The following CSMD1 variants were observed in gnomAD, a reference collection of about 807,000 sequenced individuals.
The protein encoded by CSMD1 is CUB and sushi domain-containing protein 1.
Under a neutral mutation model 417.5 loss-of-function variants are expected in CSMD1, and 213 were observed. The observed-to-expected ratio is 0.51, with a 90% CI of 0.46 to 0.57. The LOEUF is 0.57. Among genes scored for constraint, CSMD1 ranks in the 20% least tolerant of loss-of-function variants. The pLI is 0.00. For missense variants in CSMD1, 6,923 were observed against 4,529.7 expected (o/e 1.53, Z -15.17); for synonymous variants, 2,862 against 1,736.8 (o/e 1.65, Z -16.11).
At chr8:4,953,286 G>C (rs1480859937) in intron 1 of CSMD1, among the ~76,000 whole-genome samples, 2 of 151,992 alleles carry the variant, frequency 1.3e-5, no homozygotes, top group Admixed American at 6.6e-5. Context: ...AACTAAATCA[G>C]TCTTTTAGAA....
chr8:4,855,782 G>A (rs536602822), intron 1 of CSMD1, among the ~76,000 whole-genome samples: 21 of 151,772 alleles, frequency 1.4e-4, no homozygotes, highest in East Asian at 3.9e-4. Flanking sequence ...CCAAATCTAC[G>A]TCTGATTGGT....
At chr8:3,455,237 C>G (rs10097167) in intron 12 of CSMD1, among the ~76,000 whole-genome samples, 28,152 of 151,990 alleles carry the variant, frequency 0.19, 2,765 homozygotes, top group African/African-American at 0.24. Context: ...AGGTTTTTAA[C>G]TTCTTTGCCA....
chr8:4,817,392 A>C (rs1799269181), intron 1 of CSMD1, among the ~76,000 whole-genome samples: 1 of 152,236 alleles, frequency 6.6e-6, no homozygotes, highest in Admixed American at 6.5e-5. Context: ...CCTGCTTGGC[A>C]ACCTACGTCA....
intron 49 of CSMD1, among the ~76,000 whole-genome samples, chr8:3,082,917 T>C (rs1814211355): frequency 6.6e-6 from 1 of 152,194 alleles, no homozygotes; most frequent in South Asian, 2.1e-4. Context: ...TTATATCGAA[T>C]GTGAACATCT....
intron 7 of CSMD1, among the ~76,000 whole-genome samples, chr8:3,658,466 G>GTATATATA (rs60906631): frequency 4.9e-4 from 71 of 145,696 alleles, no homozygotes; most frequent in Admixed American, 1.4e-3. Context: ...TATATATTGT[G>GTATATATA]TATATATATA....
At chr8:3,381,527 G>C (rs1202722696) in intron 18 of CSMD1, among the ~76,000 whole-genome samples, 1 of 151,932 alleles carries the variant, frequency 6.6e-6, no homozygotes, top group Admixed American at 6.6e-5. Context: ...TATTTTAAGG[G>C]TTATCATTCT....
At chr8:4,590,608 T>A (rs867755626) in intron 2 of CSMD1, among the ~76,000 whole-genome samples, 2 of 152,136 alleles carry the variant, frequency 1.3e-5, no homozygotes, top group African/African-American at 4.8e-5. Flanking sequence ...AATAAAAATG[T>A]ATACTGTTAA....
At chr8:4,022,966 A>G (rs1358807268) in intron 4 of CSMD1, among the ~76,000 whole-genome samples, 1 of 152,242 alleles carries the variant, frequency 6.6e-6, no homozygotes, top group South Asian at 2.1e-4. Context: ...ATTTGAGGGC[A>G]AATAAATAGC....
chr8:4,593,899 G>C (rs1800121112), intron 2 of CSMD1, among the ~76,000 whole-genome samples: 1 of 152,116 alleles, frequency 6.6e-6, no homozygotes, highest in South Asian at 2.1e-4. Flanking sequence ...GGAATTTATT[G>C]TCTCACAGTT....
At chr8:3,720,466 C>T (rs533503517) in intron 6 of CSMD1, among the ~76,000 whole-genome samples, 1 of 152,156 alleles carries the variant, frequency 6.6e-6, no homozygotes, top group Non-Finnish European at 1.5e-5. Flanking sequence ...TGTGTCCTTT[C>T]AGATCTGTGA....
At chr8:2,976,220 G>GA (rs1309594244) in intron 55 of CSMD1, among the ~76,000 whole-genome samples, 103 of 146,846 alleles carry the variant, frequency 7.0e-4, no homozygotes, top group Non-Finnish European at 1.3e-3. Context: ...AACTCACTTG[G>GA]AGAAAAAAAA....
chr8:4,046,189 CGTGT>C (rs918931875), intron 3 of CSMD1, among the ~76,000 whole-genome samples: 1 of 151,600 alleles, frequency 6.6e-6, no homozygotes, highest in Admixed American at 6.6e-5. Context: ...TGTATGTGTG[CGTGT>C]GTGTGTAGAA....
chr8:4,550,691 C>T (rs1797834302), intron 2 of CSMD1, among the ~76,000 whole-genome samples: 1 of 152,158 alleles, frequency 6.6e-6, no homozygotes, highest in African/African-American at 2.4e-5. Context: ...ACTCTCCTAA[C>T]TCACCTTGTC....
chr8:3,998,597 T>G (rs893848574), intron 4 of CSMD1, among the ~76,000 whole-genome samples: 2 of 152,216 alleles, frequency 1.3e-5, no homozygotes, highest in Non-Finnish European at 2.9e-5. Context: ...GAATTTCAGA[T>G]AGCTATTGAG....
chr8:4,900,875 C>G (rs977585289), intron 1 of CSMD1, among the ~76,000 whole-genome samples: 2 of 152,202 alleles, frequency 1.3e-5, no homozygotes, highest in African/African-American at 4.8e-5. Flanking sequence ...TTCAGTCGAG[C>G]ACAGTCACCG....
chr8:4,314,079 G>T (rs1046170622), intron 3 of CSMD1, among the ~76,000 whole-genome samples: 1 of 151,814 alleles, frequency 6.6e-6, no homozygotes, highest in South Asian at 2.1e-4. Flanking sequence ...CTTTCTTTCT[G>T]TGTCCTGGAG....
chr8:3,124,688 CGAA>C lies in CSMD1; in HGVS notation c.6242-6104_6242-6102del, dbSNP rs1159462910. ...ACTCTCGCCACCTCCTAAGTGGAGA[CGAA>C]GTAGTCGTCAAATTGTTCAGACCAC... is the stretch of plus-strand genomic sequence containing the variant. On this transcript the variant is annotated intron_variant, in intron 41 of 69. Transcript: ENST00000635120. 2.0e-5 allele frequency among the ~76,000 whole-genome samples: 3 copies of C among 152,244 alleles called. No homozygotes were observed. The East Asian group carries it at 5.8e-4, about 29-fold the overall frequency.
Position 4,825,651 on chromosome 8 carries a change from C to T in CSMD1, c.85+168681G>A, listed in dbSNP as rs975442589. ...ACTCCCTCAAACTAAAAAGCTTCTG[C>T]ACAGCAAAGAAAACAATCAATCCAG... On this transcript the variant is annotated intron_variant, in intron 1 of 69. Coordinates refer to ENST00000635120, the MANE Select transcript of CSMD1 (RefSeq NM_033225.6). 3.3e-5 allele frequency among the ~76,000 whole-genome samples: 5 copies of T among 151,810 alleles called. No homozygotes were observed. In the East Asian group the frequency reaches 7.7e-4, roughly 23 times the overall value.
chr8:4,060,119 G>A (rs140437952), intron 3 of CSMD1, among the ~76,000 whole-genome samples: 5,849 of 152,158 alleles, frequency 0.038, 353 homozygotes, highest in African/African-American at 0.12. Flanking sequence ...TTCATCCCTG[G>A]GATGCAAGGC....
Sources: allele counts gnomAD v4.1 joint callset (sites outside exome capture counted in the v4.1 genomes callset), GRCh38; gene constraint gnomAD v4.1.1; transcripts MANE v1.5; gene names NCBI Gene and HGNC (gene_info 2026-07-23, HGNC 2026-07-21).